The following ETFDH variants were observed in gnomAD, a reference collection of about 807,000 sequenced individuals.
ETFDH encodes electron transfer flavoprotein dehydrogenase.
A neutral mutation model predicts 73.2 loss-of-function variants in ETFDH; 61 were observed. The observed-to-expected ratio is 0.83, with a 90% CI of 0.68 to 1.03. The LOEUF is 1.03. Among genes scored for constraint, ETFDH ranks in the 50% least tolerant of loss-of-function variants. ETFDH has a pLI of 0.00. For synonymous variants in ETFDH, 243 were observed against 253.3 expected, an observed-to-expected ratio of 0.96 and a Z score of 0.39; for missense variants, 685 against 745.0, an observed-to-expected ratio of 0.92 and a Z score of 0.94.
Position 158,682,286 on chromosome 4 carries a change from G to A in ETFDH, c.267G>A (p.Gln89=), listed in dbSNP as rs1773880095. 5 of 1,614,094 alleles carry A rather than the reference G, an allele frequency of 3.1e-6. No individual in the cohort carries two copies. In the African/African-American group the frequency reaches 4.0e-5, roughly 13 times the overall value. The part of the protein sequence containing the change: ...AGLSAAVRLK[Q]LAVAHEKDIR... ...TCTCTGCAGCTGTTCGTCTAAAACA[G>A]TTGGCTGTGGCACATGAAAAGGACA... The change falls in exon 3 of 13, where the codon CAG becomes CAA. Residue 89 remains glutamine (Q), a synonymous_variant. Transcript: ENST00000511912.
At chr4:158,683,662 C>T (rs1401011154) in intron 3 of ETFDH, among the ~76,000 whole-genome samples, 1 of 152,108 alleles carries the variant, frequency 6.6e-6, no homozygotes, top group Non-Finnish European at 1.5e-5. Flanking sequence ...TCTCTGCAGC[C>T]TCAACCTCCG....
chr4:158,701,779 C>T (rs1438774117), intron 9 of ETFDH, among the ~76,000 whole-genome samples: 2 of 152,060 alleles, frequency 1.3e-5, no homozygotes, highest in Non-Finnish European at 2.9e-5. Context: ...GTGGAAAGAA[C>T]AACGCTGCTT....
chr4:158,706,440 AAG>A, intron 11 of ETFDH, 69 bp downstream of exon 11: 1 of 1,315,070 alleles, frequency 7.6e-7, no homozygotes, highest in Non-Finnish European at 1.1e-6. Context: ...TAATTAGAGA[AAG>A]TGATTGTTTT....
chr4:158,708,347 T>C lies in ETFDH; in HGVS notation c.1691-17T>C. The C allele has an allele frequency of 6.3e-7, 1 of 1,598,298 alleles. No homozygotes were observed. The highest frequency in any genetic ancestry group is 8.6e-7 in the Non-Finnish European group (1 of 1,166,946). The stretch of plus-strand genomic sequence containing the variant: ...TTAAAGTTAGGCACTTCAATATTAT[T>C]TATTTTTACTTTTCAGGAGTTTATG... On this transcript the variant is annotated splice_polypyrimidine_tract_variant and intron_variant, in intron 12 of 12. Transcript: ENST00000511912.
chr4:158,698,891 T>A, intron 8 of ETFDH, 96 bp from the exon 9 acceptor site: 1 of 870,328 alleles, frequency 1.1e-6, no homozygotes, highest in Non-Finnish European at 1.9e-6. Context: ...TAAAAGAAAT[T>A]TAACCTACAT....
At position 158,706,270 on chromosome 4, in the gene ETFDH, C is replaced by G; in HGVS notation, c.1367C>G (p.Pro456Arg). ...CTATATTCTGTTAGAAATATAAGAC[C>G]GTCCTGCCACGGAGTACTGGGTGTA... ...KELYSVRNIRPSCHGVLGVYG... is the reference protein window; with the variant it reads ...KELYSVRNIRRSCHGVLGVYG... The change falls in exon 11 of 13, where the codon CCG (proline) becomes CGG (arginine). Residue 456 changes from proline (P) to arginine (R), a missense_variant. Around this residue, in one of 3 missense-constraint regions of ETFDH, gnomAD observed 201 missense variants for 225.2 expected, o/e 0.89. Coordinates refer to ENST00000511912, the MANE Select transcript of ETFDH (RefSeq NM_004453.4). The G allele has an allele frequency of 1.2e-6, 2 of 1,610,706 alleles. No individual in the cohort carries two copies. Among genetic ancestry groups the G allele is most frequent in the Non-Finnish European group, 1.7e-6 (2 of 1,176,902 alleles).
chr4:158,675,255 C>T (rs1773682715), intron 1 of ETFDH, among the ~76,000 whole-genome samples: 1 of 152,158 alleles, frequency 6.6e-6, no homozygotes, highest in Admixed American at 6.5e-5. Context: ...TATAAACTAG[C>T]CTATTCTGAA....
chr4:158,696,099 T>G (rs563156851), intron 7 of ETFDH, among the ~76,000 whole-genome samples: 1 of 152,340 alleles, frequency 6.6e-6, no homozygotes, highest in South Asian at 2.1e-4. Context: ...AAAATTTAAT[T>G]AGGTTATGCA....
chr4:158,688,910 T>C (rs1044395887), intron 5 of ETFDH, among the ~76,000 whole-genome samples: 9 of 152,214 alleles, frequency 5.9e-5, no homozygotes, highest in African/African-American at 2.2e-4. Flanking sequence ...GTTGGTTTTT[T>C]TGTTTGTTTT....
rs1302894803 is a variant in ETFDH at position 158,686,921 on chromosome 4, CATGAAGGG to C, written c.606+1704_606+1711del. Among the ~76,000 whole-genome samples the C allele has an allele frequency of 9.7e-3, 1,482 of 152,268 alleles. 19 individuals carry two copies. Among genetic ancestry groups the C allele is most frequent in the African/African-American group, 0.033 (1,355 of 41,540 alleles). ...AAAGGCATACAGGTTTATCAGCGTG[CATGAAGGG>C]AATATTACAGAGTGATGACCCTGCC... On this transcript the variant is annotated intron_variant, in intron 5 of 12. Transcript: ENST00000511912.
At chr4:158,708,066 A>G (rs1196961868) in intron 12 of ETFDH, among the ~76,000 whole-genome samples, 2 of 152,242 alleles carry the variant, frequency 1.3e-5, no homozygotes, top group Middle Eastern at 3.2e-3. Context: ...CCTGTGAATG[A>G]GAGGATGACT....
intron 6 of ETFDH, among the ~76,000 whole-genome samples, chr4:158,693,855 G>A (rs756502420): frequency 6.6e-6 from 1 of 151,950 alleles, no homozygotes; most frequent in East Asian, 1.9e-4. Context: ...CTTAAACATC[G>A]ACAAGAAAAA....
rs1774702955 is a variant in ETFDH at position 158,708,486 on chromosome 4, G to T, written c.1813G>T (p.Val605Leu). 3.1e-6 allele frequency: 5 copies of T among 1,613,354 alleles called. No homozygotes were observed. Among genetic ancestry groups the T allele is most frequent in the Non-Finnish European group, 4.2e-6 (5 of 1,179,436 alleles). Residue 605 changes from valine to leucine, a missense_variant, in exon 13 of 13, where the codon GTA becomes TTA. Physicochemically the swap from Val to Leu is conservative, Grantham distance 32. This residue lies in a region of ETFDH where 201 missense variants were observed against 225.2 expected (regional missense o/e 0.89). Coordinates refer to ENST00000511912, the MANE Select transcript of ETFDH (RefSeq NM_004453.4). ...KDPSQNINWV[V>L]PEGGGGPAYN... Reference sequence around the variant, plus strand: ...TCCAAGTCAGAATATTAACTGGGTGGTACCTGAAGGTGGAGGAGGACCTGC... The same window carrying T: ...TCCAAGTCAGAATATTAACTGGGTGTTACCTGAAGGTGGAGGAGGACCTGC...
chr4:158,707,035 T>C (rs1384211908), intron 12 of ETFDH, among the ~76,000 whole-genome samples, 185 bp downstream of exon 12: 1 of 148,054 alleles, frequency 6.8e-6, no homozygotes, highest in African/African-American at 2.5e-5. Context: ...AGATAACATT[T>C]CTCAAAAAAA....
At chr4:158,673,605 T>C (rs1773637044) in intron 1 of ETFDH, among the ~76,000 whole-genome samples, 1 of 152,230 alleles carries the variant, frequency 6.6e-6, no homozygotes, top group Non-Finnish European at 1.5e-5. Context: ...TTGGCTTCCA[T>C]ATATTAAGAA....
chr4:158,674,728 T>G lies in ETFDH; in HGVS notation c.34+2238T>G, dbSNP rs950065229. On this transcript the variant is annotated intron_variant, in intron 1 of 12. Coordinates refer to ENST00000511912, the MANE Select transcript of ETFDH (RefSeq NM_004453.4). ...TCTGAAAAGCATTAATCTTTTATAG[T>G]ACCATGTGTCAAGGACTATCTAATA... 1.7e-4 allele frequency among the ~76,000 whole-genome samples: 26 copies of G among 152,362 alleles called. 1 individual carries two copies. Among genetic ancestry groups the G allele is most frequent in the South Asian group, 1.2e-3 (6 of 4,830 alleles).
At chr4:158,679,400 C>G (rs1773788412) in intron 1 of ETFDH, 1 of 152,044 alleles carries the variant, frequency 6.6e-6, no homozygotes. Context: ...TAAGCCTTCT[C>G]ATCCAGCTAG....
chr4:158,681,899 T>A (rs1773868195), intron 2 of ETFDH: 2 of 401,960 alleles, frequency 5.0e-6, no homozygotes, highest in Non-Finnish European at 9.2e-6. Flanking sequence ...AAAGCATTTC[T>A]GTCATTAAGT....
chr4:158,694,543 G>A (rs945494272), intron 6 of ETFDH, among the ~76,000 whole-genome samples: 4 of 150,570 alleles, frequency 2.7e-5, no homozygotes, highest in Non-Finnish European at 4.4e-5. Flanking sequence ...GCAGTGAGCC[G>A]AGATTGTGCC....
Sources: allele counts gnomAD v4.1 joint callset (sites outside exome capture counted in the v4.1 genomes callset), GRCh38; gene constraint gnomAD v4.1.1; regional missense constraint gnomAD v4.1.1; transcripts MANE v1.5; gene names NCBI Gene and HGNC (gene_info 2026-07-23, HGNC 2026-07-21).